MSN: variants seen among roughly 807,000 people sequenced by gnomAD.
MSN encodes moesin.
MSN carries 2 observed loss-of-function variants against 48.0 expected under a neutral mutation model. That is an observed-to-expected ratio of 0.04 (90% confidence interval 0.02 to 0.13). The LOEUF (loss-of-function observed/expected upper bound fraction) is 0.13, where lower values mean the gene tolerates loss of function less well. Ranked by LOEUF, MSN falls within the 10% of genes least tolerant of loss-of-function variation. MSN has a pLI of 1.00. For synonymous variants in MSN, 146 were observed against 166.9 expected, an observed-to-expected ratio of 0.87 and a Z score of 0.97; for missense variants, 267 against 470.1, an observed-to-expected ratio of 0.57 and a Z score of 3.99.
intron 1 of MSN, among the ~76,000 whole-genome samples, chrX:65,678,432 G>C (rs1252361210): frequency 1.8e-5 from 2 of 111,564 alleles, no homozygotes; most frequent in Non-Finnish European, 3.8e-5. Flanking sequence ...CTAGATCTCT[G>C]ACAGCCTAGG....
intron 1 of MSN, among the ~76,000 whole-genome samples, chrX:65,690,122 G>A (rs751194581): frequency 3.9e-4 from 43 of 111,267 alleles, no homozygotes; most frequent in South Asian, 7.6e-4. Flanking sequence ...TAATTGGTTT[G>A]GGTTAAGGCT....
At chrX:65,672,420 T>C in intron 1 of MSN, among the ~76,000 whole-genome samples, 1 of 112,205 alleles carries the variant, frequency 8.9e-6, no homozygotes, top group East Asian at 2.8e-4. Context: ...TGGGATAGTC[T>C]GTTGGTTCAA....
At chrX:65,720,182 C>G (rs2071503791) in intron 2 of MSN, among the ~76,000 whole-genome samples, 1 of 112,048 alleles carries the variant, frequency 8.9e-6, no homozygotes, top group African/African-American at 3.2e-5. Flanking sequence ...TCACAATGCT[C>G]CTGCCTCTGT....
At chrX:65,716,073 G>A (rs745438173) in intron 1 of MSN, among the ~76,000 whole-genome samples, 26 of 111,688 alleles carry the variant, frequency 2.3e-4, no homozygotes, top group Non-Finnish European at 4.1e-4. Context: ...CTGCCCTTTA[G>A]ATTATCATGT....
intron 1 of MSN, among the ~76,000 whole-genome samples, chrX:65,643,975 C>T (rs1440608350): frequency 2.7e-5 from 3 of 111,726 alleles, no homozygotes; most frequent in African/African-American, 9.8e-5. Context: ...GTATTTAGAC[C>T]TTAAGTTATT....
chrX:65,609,522 G>T lies in MSN; in HGVS notation c.-22+20910G>T, dbSNP rs190364056. ...TCTCTAGGGCTTGACCCAAGCCAGG[G>T]CTCAGCAAGTGGTCATGGAGAACAG... On this transcript the variant is annotated intron_variant, in intron 1 of 3. Coordinates refer to the MSN transcript ENST00000609672. Among the ~76,000 whole-genome samples, 12 of 111,393 alleles carry T rather than the reference G, an allele frequency of 1.1e-4. No homozygotes were observed. In the East Asian group the frequency reaches 3.1e-3, roughly 29 times the overall value.
In MSN at chrX:65,695,507, C is replaced by CAAAA. The variant is rs759652563; in HGVS notation, c.13-21287_13-21284dup. 1.8e-3 allele frequency among the ~76,000 whole-genome samples: 23 copies of CAAAA among 12,942 alleles called. 1 individual carries two copies. Among genetic ancestry groups the CAAAA allele is most frequent in the Non-Finnish European group, 2.6e-3 (12 of 4,655 alleles). The allele number at this position is 12,942 out of a possible 115,157, so 11.2% of individuals were successfully genotyped here. Reference sequence around the variant, plus strand: ...TGGGCTACAAGACAAAACTCTGTCTCAAAAAAAAAAAAAAAAAAAAAAAAA... The same window carrying CAAAA: ...TGGGCTACAAGACAAAACTCTGTCTCAAAAAAAAAAAAAAAAAAAAAAAAAAAAA... On this transcript the variant is annotated intron_variant, in intron 1 of 12. Coordinates refer to ENST00000360270, the MANE Select transcript of MSN (RefSeq NM_002444.3).
chrX:65,614,061 A>G (rs1474131418), intron 1 of MSN, among the ~76,000 whole-genome samples: 1 of 112,002 alleles, frequency 8.9e-6, no homozygotes, highest in Non-Finnish European at 1.9e-5. Flanking sequence ...GGTGTAAGGA[A>G]GAGGTCCAGT....
intron 1 of MSN, among the ~76,000 whole-genome samples, chrX:65,640,640 C>T (rs766174701): frequency 8.9e-6 from 1 of 111,737 alleles, no homozygotes; most frequent in African/African-American, 3.2e-5. Context: ...ATCAGAACAG[C>T]ATACTCCGTG....
intron 1 of MSN, among the ~76,000 whole-genome samples, chrX:65,715,445 T>C (rs985681876): frequency 8.0e-5 from 9 of 112,328 alleles, no homozygotes; most frequent in Non-Finnish European, 9.4e-5. Flanking sequence ...ATATTGATTC[T>C]TCCTATTCAT....
intron 1 of MSN, among the ~76,000 whole-genome samples, chrX:65,595,360 G>A (rs887911716): frequency 8.9e-6 from 1 of 111,745 alleles, no homozygotes; most frequent in South Asian, 3.7e-4. Flanking sequence ...GGCAGAGACC[G>A]TACTGGCCAT....
chrX:65,622,630 C>T (rs760941017), intron 1 of MSN, among the ~76,000 whole-genome samples: 1 of 107,124 alleles, frequency 9.3e-6, no homozygotes, highest in Non-Finnish European at 1.9e-5. Context: ...GATTCTCTTG[C>T]CTCAGCTTCC....
chrX:65,655,165 A>C (rs891245941), intron 1 of MSN, among the ~76,000 whole-genome samples: 1 of 111,493 alleles, frequency 9.0e-6, no homozygotes, highest in Non-Finnish European at 1.9e-5. Context: ...AATGAATAAT[A>C]AAGTCAGATA....
chrX:65,741,209 AC>A lies in MSN; in HGVS notation c.*1321del. 2 of 167,801 alleles carry A rather than the reference AC, an allele frequency of 1.2e-5. No individual in the cohort carries two copies. Among genetic ancestry groups the A allele is most frequent in the Middle Eastern group, 2.0e-3 (1 of 507 alleles). The allele number at this position is 167,801 out of a possible 1,213,427, so 13.8% of individuals were successfully genotyped here. On this transcript the variant is annotated 3_prime_UTR_variant, in exon 13 of 13. Coordinates refer to ENST00000360270, the MANE Select transcript of MSN (RefSeq NM_002444.3). ...GGGATTCTGGCCTAGTCCCTTCCAC[AC>A]CCCCACCCCTTGCTCTCAACCCAGG...
intron 1 of MSN, among the ~76,000 whole-genome samples, chrX:65,648,454 G>A (rs1441300274): frequency 1.8e-5 from 2 of 112,200 alleles, no homozygotes; most frequent in African/African-American, 6.5e-5. Flanking sequence ...TTGGGAGGCT[G>A]AGGCAGGAGA....
At chrX:65,620,377 A>C (rs145478963) in intron 1 of MSN, among the ~76,000 whole-genome samples, 17,701 of 91,927 alleles carry the variant, frequency 0.19, 3,078 homozygotes, top group African/African-American at 0.61. Context: ...GGGCGCAGGA[A>C]CCTCCGAGCC....
chrX:65,738,742 G>C (rs1482590454), intron 11 of MSN, 125 bp downstream of exon 11: 4 of 677,020 alleles, frequency 5.9e-6, no homozygotes, highest in Non-Finnish European at 6.7e-6. Flanking sequence ...AGGCAGCATG[G>C]GAGAAGGCAC....
At chrX:65,592,717 C>T (rs2070157520) in intron 1 of MSN, among the ~76,000 whole-genome samples, 1 of 110,973 alleles carries the variant, frequency 9.0e-6, no homozygotes, top group Middle Eastern at 4.6e-3. Context: ...TGGCAACAAT[C>T]GGCAAGCAAT....
intron 1 of MSN, chrX:65,625,484 AT>A (rs1403345956): frequency 8.9e-5 from 10 of 112,218 alleles, no homozygotes; most frequent in Non-Finnish European, 3.8e-5. Flanking sequence ...GTTTATAATA[AT>A]TATACATTAT....
Sources: allele counts gnomAD v4.1 joint callset (sites outside exome capture counted in the v4.1 genomes callset), GRCh38; gene constraint gnomAD v4.1.1; transcripts MANE v1.5; gene names NCBI Gene and HGNC (gene_info 2026-07-23, HGNC 2026-07-21).